Variants in SKOR2 observed in about 807,000 individuals in gnomAD.
SKOR2 encodes the protein SKI family transcriptional corepressor 2.
A neutral mutation model predicts 69.1 loss-of-function variants in SKOR2; 47 were observed. The observed-to-expected ratio is 0.68, with a 90% CI of 0.54 to 0.87. The LOEUF (loss-of-function observed/expected upper bound fraction) is 0.87, where lower values mean the gene tolerates loss of function less well. Ranked by LOEUF, SKOR2 falls within the 40% of genes least tolerant of loss-of-function variation. The pLI is 0.00. For synonymous variants in SKOR2, 717 were observed against 672.6 expected (o/e 1.07, Z -1.02); for missense variants, 1,404 against 1,472.2 (o/e 0.95, Z 0.76).
chr18:47,215,926 A>G (rs916290490), intron 7 of SKOR2, among the ~76,000 whole-genome samples: 27 of 152,204 alleles, frequency 1.8e-4, no homozygotes, highest in Non-Finnish European at 3.5e-4. Context: ...GTAGTAGCTT[A>G]TACACAGATG....
intron 4 of SKOR2, among the ~76,000 whole-genome samples, chr18:47,231,570 G>A (rs8095903): frequency 0.024 from 3,582 of 152,140 alleles, 52 homozygotes; most frequent in African/African-American, 0.043. Flanking sequence ...TGGGCCGGGC[G>A]CGGTGGCTCA....
Position 47,247,860 on chromosome 18 carries a change from C to G in SKOR2, c.1324G>C (p.Ala442Pro). 7.4e-7 allele frequency: 1 copy of G among 1,359,262 alleles called. No homozygotes were observed. Among genetic ancestry groups the G allele is most frequent in the Non-Finnish European group, 9.4e-7 (1 of 1,066,130 alleles). 84.2% of individuals were successfully genotyped at this position (1,359,262 alleles called of 1,614,324 possible). A position where few individuals can be genotyped will look rare whatever the true frequency, so the allele number is the denominator to read the frequency against. ...AAGCCGGCCTTGGGCGCCGCGCCCG[C>G]GCCGCCTGCGCCCGCGCCCCCCAGG... ...EALGGAGAGGAGAAPKAGLSG... is the reference protein window; with the variant it reads ...EALGGAGAGGPGAAPKAGLSG... Residue 442 changes from alanine to proline, a missense_variant, in exon 2 of 9, where the codon GCG becomes CCG. By Grantham distance (27) the Ala-to-Pro change is conservative (BLOSUM62 -1). Around this residue, in one of 3 missense-constraint regions of SKOR2, gnomAD observed 1,266 missense variants for 1,309.9 expected, o/e 0.97. Transcript: ENST00000425639. The surrounding 1 kb of genome is among the most constrained non-coding windows in gnomAD (Gnocchi z 6.6).
At position 47,221,800 on chromosome 18, in the gene SKOR2, A is replaced by T. The variant is rs1199057993; in HGVS notation, c.2918-1790T>A. 2.0e-5 allele frequency among the ~76,000 whole-genome samples: 3 copies of T among 152,202 alleles called. No homozygotes were observed. In the East Asian group the frequency reaches 5.8e-4, roughly 29 times the overall value. On this transcript the variant is annotated intron_variant, in intron 6 of 8. Transcript: ENST00000425639. ...AGTTGAGTTCTTAGAGGGCAGGAAG[A>T]TACGTTTAGACACTTTAAAAATTTT...
chr18:47,216,557 C>G (rs907348668), intron 7 of SKOR2, among the ~76,000 whole-genome samples: 3 of 152,090 alleles, frequency 2.0e-5, no homozygotes, highest in Non-Finnish European at 2.9e-5. Flanking sequence ...GAAAAAGAAG[C>G]AATGGTGCAG....
chr18:47,249,215 A>C lies in SKOR2; in HGVS notation c.-32T>G. The C allele has an allele frequency of 2.6e-6, 4 of 1,524,846 alleles. No homozygotes were observed. Among genetic ancestry groups the C allele is most frequent in the Non-Finnish European group, 3.5e-6 (4 of 1,141,264 alleles). The allele number at this position is 1,524,846 out of a possible 1,614,324, so 94.5% of individuals were successfully genotyped here. A position where few individuals can be genotyped will look rare whatever the true frequency, so the allele number is the denominator to read the frequency against. ...CGCAGAACCCCGGGCCGAGCCCTAC[A>C]GGTCTGCCTTGGACACTGGAAGGGA... is the stretch of plus-strand genomic sequence containing the variant. On this transcript the variant is annotated 5_prime_UTR_variant, in exon 2 of 9. Transcript: ENST00000425639.
chr18:47,244,776 T>C, intron 4 of SKOR2, 132 bp downstream of exon 4: 2 of 732,206 alleles, frequency 2.7e-6, no homozygotes, highest in East Asian at 5.9e-5. Context: ...ATTTGTGTTT[T>C]TCTTAGTTAT....
chr18:47,210,331 C>T (rs1232802628), intron 8 of SKOR2, among the ~76,000 whole-genome samples: 7 of 151,816 alleles, frequency 4.6e-5, no homozygotes, highest in South Asian at 4.2e-4. Context: ...GTTTTCATTG[C>T]GTGTTTGTGT....
At chr18:47,216,243 G>A (rs1462036532) in intron 7 of SKOR2, among the ~76,000 whole-genome samples, 2 of 152,018 alleles carry the variant, frequency 1.3e-5, no homozygotes, top group Admixed American at 1.3e-4. Context: ...TTTTGTATTG[G>A]TTCATAGGGA....
rs1420405831 is a variant in SKOR2 at position 47,248,389 on chromosome 18, G to A, written c.795C>T (p.Ala265=). ...CGCCTCCGGCCACCGCGGCCGCGGCGGCCACGGCGGCCGCCTTCACAGAGC... is the reference window on the plus strand; with the variant it reads ...CGCCTCCGGCCACCGCGGCCGCGGCAGCCACGGCGGCCGCCTTCACAGAGC... The part of the protein sequence containing the change: ...PLSSVKAAAV[A]AAAAVAGGGG... The change falls in exon 2 of 9, where the codon GCC becomes GCT. Residue 265 remains alanine, a synonymous_variant. Coordinates refer to ENST00000425639, the MANE Select transcript of SKOR2 (RefSeq NM_001278063.4). The surrounding 1 kb of genome is among the most constrained non-coding windows in gnomAD (Gnocchi z 6.4). 4 of 1,313,648 alleles carry A rather than the reference G, an allele frequency of 3.0e-6. No individual in the cohort carries two copies. Among genetic ancestry groups the A allele is most frequent in the Non-Finnish European group, 3.8e-6 (4 of 1,040,700 alleles). 81.4% of individuals were successfully genotyped at this position (1,313,648 alleles called of 1,614,324 possible).
In SKOR2 at chr18:47,251,355, C is replaced by A. The variant is rs887297286; in HGVS notation, c.-48+19G>T. 1.3e-5 allele frequency: 2 copies of A among 152,240 alleles called. No homozygotes were observed. The highest frequency in any genetic ancestry group is 6.5e-5 in the Admixed American group (1 of 15,294). 9.4% of individuals were successfully genotyped at this position (152,240 alleles called of 1,614,324 possible). ...CAGCAAGCTGTGTGCCGGATTGGGG[C>A]GGCCGGTTCCGGCAATACCTGGTAA... On this transcript the variant is annotated intron_variant, in intron 1 of 8. Transcript: ENST00000425639.
Position 47,248,139 on chromosome 18 carries a change from C to A in SKOR2, c.1045G>T (p.Gly349Trp), listed in dbSNP as rs1303216715. ...AAASGGAGTG[G>W]GGAGGGCVAG... Reference sequence around the variant, plus strand: ...ACACAGCCACCCCCAGCGCCGCCCCCACCAGTCCCCGCGCCGCCCGAAGCA... The same window carrying A: ...ACACAGCCACCCCCAGCGCCGCCCCAACCAGTCCCCGCGCCGCCCGAAGCA... The change falls in exon 2 of 9, where the codon GGG becomes TGG. Residue 349 changes from glycine (G) to tryptophan (W), a missense_variant. Coordinates refer to ENST00000425639, the MANE Select transcript of SKOR2 (RefSeq NM_001278063.4). The surrounding 1 kb of genome is among the most constrained non-coding windows in gnomAD (Gnocchi z 6.4). 4.7e-6 allele frequency: 6 copies of A among 1,273,670 alleles called. No individual in the cohort carries two copies. Among genetic ancestry groups the A allele is most frequent in the South Asian group, 3.0e-5 (1 of 33,840 alleles). The allele number at this position is 1,273,670 out of a possible 1,614,324, so 78.9% of individuals were successfully genotyped here. A position where few individuals can be genotyped will look rare whatever the true frequency, so the allele number is the denominator to read the frequency against.
rs1288073032 is a variant in SKOR2 at position 47,247,075 on chromosome 18, CGGG to C, written c.2106_2108del (p.Pro706del). On this transcript the variant is annotated inframe_deletion, in exon 2 of 9. Coordinates refer to ENST00000425639, the MANE Select transcript of SKOR2 (RefSeq NM_001278063.4). The surrounding 1 kb of genome is among the most constrained non-coding windows in gnomAD (Gnocchi z 6.6). ...GCGGGTGCTGGGCCAGAGGGGGCGGCGGGGGCGGCGGCGGCGGCGGCGGCGGGG... is the reference window on the plus strand; with the variant it reads ...GCGGGTGCTGGGCCAGAGGGGGCGGCGGCGGCGGCGGCGGCGGCGGCGGGG... The C allele has an allele frequency of 2.1e-6, 1 of 477,314 alleles. No individual in the cohort carries two copies. Among genetic ancestry groups the C allele is most frequent in the Non-Finnish European group, 3.0e-6 (1 of 331,192 alleles). The allele number at this position is 477,314 out of a possible 1,614,324, so 29.6% of individuals were successfully genotyped here. A position where few individuals can be genotyped will look rare whatever the true frequency, so the allele number is the denominator to read the frequency against.
At chr18:47,223,865 T>C (rs1316760483) in intron 6 of SKOR2, among the ~76,000 whole-genome samples, 2 of 151,684 alleles carry the variant, frequency 1.3e-5, no homozygotes, top group Non-Finnish European at 2.9e-5. Context: ...AGATTGTTAA[T>C]TGGCAAACAT....
At chr18:47,244,175 C>G (rs935338193) in intron 4 of SKOR2, among the ~76,000 whole-genome samples, 1 of 152,126 alleles carries the variant, frequency 6.6e-6, no homozygotes, top group Non-Finnish European at 1.5e-5. Context: ...GCTCTCTACA[C>G]CACTCTCTCT....
intron 8 of SKOR2, among the ~76,000 whole-genome samples, chr18:47,208,535 GAT>G (rs2064119263): frequency 6.6e-6 from 1 of 152,164 alleles, no homozygotes; most frequent in Non-Finnish European, 1.5e-5. Context: ...TTACATCAAT[GAT>G]AACTGCAAAA....
chr18:47,241,866 G>T (rs1353229387), intron 4 of SKOR2, among the ~76,000 whole-genome samples: 1 of 152,114 alleles, frequency 6.6e-6, no homozygotes, highest in African/African-American at 2.4e-5. Context: ...AATCAATGTG[G>T]AACAAGTTTC....
At chr18:47,209,118 G>T (rs986368781) in intron 8 of SKOR2, among the ~76,000 whole-genome samples, 1 of 151,766 alleles carries the variant, frequency 6.6e-6, no homozygotes, top group Non-Finnish European at 1.5e-5. Flanking sequence ...TTATTTTGAC[G>T]CAACGTGGAA....
chr18:47,217,715 T>G (rs1377560223), intron 7 of SKOR2, among the ~76,000 whole-genome samples: 6 of 152,038 alleles, frequency 3.9e-5, no homozygotes, highest in Non-Finnish European at 8.8e-5. Flanking sequence ...CTTGGGCATC[T>G]AATGGTAGGG....
chr18:47,216,270 T>C (rs1330022343), intron 7 of SKOR2, among the ~76,000 whole-genome samples: 3 of 152,222 alleles, frequency 2.0e-5, no homozygotes, highest in Non-Finnish European at 2.9e-5. Context: ...AATATTTCTT[T>C]GTTTTGCATA....
Sources: allele counts gnomAD v4.1 joint callset (sites outside exome capture counted in the v4.1 genomes callset), GRCh38; gene constraint gnomAD v4.1.1; regional missense constraint gnomAD v4.1.1; non-coding constraint Gnocchi (gnomAD v3.1); transcripts MANE v1.5; gene names NCBI Gene and HGNC (gene_info 2026-07-23, HGNC 2026-07-21).